GATAD2A: variants seen among roughly 807,000 people sequenced by gnomAD.
GATAD2A encodes the protein GATA zinc finger domain containing 2A, also known as transcriptional repressor p66-alpha.
In GATAD2A, 12 loss-of-function variants were observed where a neutral mutation model predicts 68.5. The ratio of observed to expected loss-of-function variants is 0.18; its 90% CI spans 0.11 to 0.28. The LOEUF (loss-of-function observed/expected upper bound fraction) is 0.28, where lower values mean the gene tolerates loss of function less well. GATAD2A is among the 10% of genes least tolerant of loss of function. The pLI is 1.00. For synonymous variants in GATAD2A, 410 were observed against 375.3 expected, an observed-to-expected ratio of 1.09 and a Z score of -1.07; for missense variants, 755 against 868.5, an observed-to-expected ratio of 0.87 and a Z score of 1.64.
chr19:19,502,622 C>A, intron 11 of GATAD2A, 96 bp downstream of exon 11: 1 of 944,970 alleles, frequency 1.1e-6, no homozygotes, highest in Non-Finnish European at 1.6e-6. Context: ...CGGGTGAACC[C>A]CCAGGCCCGC....
intron 1 of GATAD2A, among the ~76,000 whole-genome samples, chr19:19,390,787 TGA>T: frequency 6.6e-6 from 1 of 152,160 alleles, no homozygotes; most frequent in African/African-American, 2.4e-5. Context: ...AGTTACCTGG[TGA>T]GTGATCTGTT....
chr19:19,410,143 C>T (rs1442089365), intron 1 of GATAD2A, among the ~76,000 whole-genome samples: 2 of 152,166 alleles, frequency 1.3e-5, no homozygotes, highest in Non-Finnish European at 2.9e-5. Context: ...GGCACCTTCA[C>T]AGGTGAGTTT....
At chr19:19,408,873 G>T (rs551799952) in intron 1 of GATAD2A, among the ~76,000 whole-genome samples, 1 of 152,184 alleles carries the variant, frequency 6.6e-6, no homozygotes, top group Non-Finnish European at 1.5e-5. Context: ...ACAAGAAGGG[G>T]GACCCTCTTG....
At chr19:19,503,572 T>G (rs2060683707) in intron 11 of GATAD2A, among the ~76,000 whole-genome samples, 1 of 151,966 alleles carries the variant, frequency 6.6e-6, no homozygotes, top group African/African-American at 2.4e-5. Context: ...GTGGGAAGTT[T>G]GAAAGGATAA....
chr19:19,399,450 C>T (rs993400555), intron 1 of GATAD2A, among the ~76,000 whole-genome samples: 2 of 152,150 alleles, frequency 1.3e-5, no homozygotes, highest in Admixed American at 6.6e-5. Flanking sequence ...CTGGGTCTCC[C>T]AAAGTGCTGA....
At chr19:19,491,860 G>A (rs1053858333) in intron 2 of GATAD2A, among the ~76,000 whole-genome samples, 1 of 152,230 alleles carries the variant, frequency 6.6e-6, no homozygotes, top group Admixed American at 6.5e-5. Flanking sequence ...ATGGCCAGGG[G>A]CTGCGGGCTG....
chr19:19,404,216 C>G (rs2146998468), upstream of GATAD2A, among the ~76,000 whole-genome samples: 1 of 150,844 alleles, frequency 6.6e-6, no homozygotes, highest in South Asian at 2.1e-4. Context: ...GAATTAGGAG[C>G]TTTTTTGAAC....
Position 19,426,810 on chromosome 19 carries a change from G to A in GATAD2A, c.-7+20791G>A, listed in dbSNP as rs570880043. ...ATTACAGGCGTGAGCCACTGCCCCC[G>A]GCCTCCAGTGCTTTCTTTATGCGGC... On this transcript the variant is annotated intron_variant, in intron 1 of 11. Coordinates refer to ENST00000683918, the MANE Select transcript of GATAD2A (RefSeq NM_001384528.1). Among the ~76,000 whole-genome samples, 243 of 152,300 alleles carry A rather than the reference G, an allele frequency of 1.6e-3. 1 individual carries two copies. Among genetic ancestry groups the A allele is most frequent in the African/African-American group, 5.7e-3 (235 of 41,572 alleles).
Position 19,505,558 on chromosome 19 carries a change from C to A in GATAD2A, c.*84C>A. 1 of 1,279,658 alleles carries A rather than the reference C, an allele frequency of 7.8e-7. No homozygotes were observed. Among genetic ancestry groups the A allele is most frequent in the Non-Finnish European group, 1.1e-6 (1 of 943,606 alleles). 79.3% of individuals were successfully genotyped at this position (1,279,658 alleles called of 1,614,324 possible). ...GAAGGACCCACTGCACCACCCTCCG[C>A]TGGCTCGGGAAGACACCGTGCCCGC... On this transcript the variant is annotated 3_prime_UTR_variant, in exon 12 of 12. Transcript: ENST00000683918.
intron 2 of GATAD2A, among the ~76,000 whole-genome samples, chr19:19,468,156 T>A (rs913041397): frequency 1.3e-5 from 2 of 152,286 alleles, no homozygotes; most frequent in Non-Finnish European, 2.9e-5. Flanking sequence ...ACAGTGAGAC[T>A]GTATGGCATT....
intron 1 of GATAD2A, among the ~76,000 whole-genome samples, chr19:19,413,481 T>G (rs1267589904): frequency 6.6e-6 from 1 of 152,166 alleles, no homozygotes; most frequent in Non-Finnish European, 1.5e-5. Context: ...GCCCACCCCG[T>G]TCAGTGGTGG....
intron 1 of GATAD2A, among the ~76,000 whole-genome samples, chr19:19,408,276 C>T (rs572612329): frequency 1.4e-4 from 21 of 152,322 alleles, no homozygotes; most frequent in African/African-American, 1.4e-4. Context: ...TGAGCCACCA[C>T]GCCTGGCGGA....
At chr19:19,428,171 T>G (rs1350905253) in intron 1 of GATAD2A, among the ~76,000 whole-genome samples, 1 of 152,208 alleles carries the variant, frequency 6.6e-6, no homozygotes, top group East Asian at 1.9e-4. Context: ...CTGCAATACA[T>G]CAGGCATCTG....
At position 19,454,153 on chromosome 19, in the gene GATAD2A, A is replaced by C. The variant is rs569818271; in HGVS notation, c.-6-11187A>C. Among the ~76,000 whole-genome samples, 12 of 150,856 alleles carry C rather than the reference A, an allele frequency of 8.0e-5. No individual in the cohort carries two copies. In the South Asian group the frequency reaches 8.4e-4, roughly 11 times the overall value. ...GCCGGGAGTATAGGTATGCGCCACCACGCCTGGCTAACTTTGTATTTTTAG... is the reference window on the plus strand; with the variant it reads ...GCCGGGAGTATAGGTATGCGCCACCCCGCCTGGCTAACTTTGTATTTTTAG... On this transcript the variant is annotated intron_variant, in intron 1 of 11. Coordinates refer to ENST00000683918, the MANE Select transcript of GATAD2A (RefSeq NM_001384528.1).
intron 1 of GATAD2A, among the ~76,000 whole-genome samples, chr19:19,416,023 GATC>G (rs2051589943): frequency 6.6e-6 from 1 of 151,934 alleles, no homozygotes; most frequent in South Asian, 2.1e-4. Flanking sequence ...AGAGGCTCAT[GATC>G]ACAATCACTA....
intron 1 of GATAD2A, among the ~76,000 whole-genome samples, chr19:19,397,894 TTTAGTTAG>T (rs142215051): frequency 2.0e-5 from 3 of 152,076 alleles, no homozygotes; most frequent in African/African-American, 7.2e-5. Context: ...GCTAATTTTA[TTTAGTTAG>T]TTAGTTAGTT....
At chr19:19,442,155 T>C (rs2055170686) in intron 1 of GATAD2A, among the ~76,000 whole-genome samples, 1 of 151,882 alleles carries the variant, frequency 6.6e-6, no homozygotes, top group South Asian at 2.1e-4. Flanking sequence ...CCACTGCACC[T>C]GGCCAAGACC....
chr19:19,425,302 A>T (rs898539375), intron 1 of GATAD2A, among the ~76,000 whole-genome samples: 6 of 152,176 alleles, frequency 3.9e-5, no homozygotes, highest in Non-Finnish European at 8.8e-5. Context: ...GTCTTCTGCC[A>T]GATGGAGCCT....
chr19:19,396,677 G>A (rs949026465), intron 1 of GATAD2A, among the ~76,000 whole-genome samples: 6 of 152,024 alleles, frequency 3.9e-5, no homozygotes, highest in East Asian at 3.9e-4. Context: ...GCCACTGTGC[G>A]CGACCTGTTT....
Sources: gnomAD v4.1 joint callset for allele counts (sites outside exome capture counted in the v4.1 genomes callset) on GRCh38, gnomAD v4.1.1 for gene constraint, MANE v1.5 for transcripts, NCBI Gene and HGNC (gene_info 2026-07-23, HGNC 2026-07-21) for gene names.